Variants in PPP3R1 observed in about 807,000 individuals in gnomAD.
PPP3R1 encodes protein phosphatase 3 regulatory subunit B, alpha.
In PPP3R1, 5 loss-of-function variants were observed where a neutral mutation model predicts 22.6. That is an observed-to-expected ratio of 0.22 (90% CI 0.12 to 0.46). PPP3R1 has a LOEUF of 0.46. PPP3R1 is among the 20% of genes least tolerant of loss of function. PPP3R1 has a pLI of 0.99. For synonymous variants in PPP3R1, 56 were observed against 65.2 expected (o/e 0.86, Z 0.68); for missense variants, 61 against 203.2 (o/e 0.30, Z 4.25).
chr2:68,222,783 G>C (rs1015224419), intron 1 of PPP3R1, among the ~76,000 whole-genome samples: 3 of 152,026 alleles, frequency 2.0e-5, no homozygotes, highest in Admixed American at 6.5e-5. Context: ...TCTCCTACTG[G>C]TTATTTCTCT....
rs761276743 is a variant in PPP3R1 at position 68,187,252 on chromosome 2, T to C, written c.280+3A>G. ...AATGAAGTCAGTGAAGAAAAATACTTACACCTCAATTTCTGCTCCTTATCT... is the reference window on the plus strand; with the variant it reads ...AATGAAGTCAGTGAAGAAAAATACTCACACCTCAATTTCTGCTCCTTATCT... On this transcript the variant is annotated splice_donor_region_variant and intron_variant, in intron 4 of 5. Transcript: ENST00000234310. 1 of 1,603,882 alleles carries C rather than the reference T, an allele frequency of 6.2e-7. No individual in the cohort carries two copies. Among genetic ancestry groups the C allele is most frequent in the South Asian group, 1.1e-5 (1 of 89,772 alleles).
chr2:68,198,293 A>G (rs973534191), intron 2 of PPP3R1, among the ~76,000 whole-genome samples: 7 of 136,124 alleles, frequency 5.1e-5, no homozygotes, highest in South Asian at 2.1e-4. Context: ...ATGTGTATAC[A>G]CATGTATACA....
At chr2:68,217,248 G>A in intron 1 of PPP3R1, 117 bp from the exon 2 acceptor site, 1 of 592,414 alleles carries the variant, frequency 1.7e-6, no homozygotes, top group East Asian at 2.9e-5. Flanking sequence ...CTAATAATAT[G>A]ACCACATATA....
intron 1 of PPP3R1, among the ~76,000 whole-genome samples, chr2:68,237,016 G>A (rs1300557566): frequency 1.3e-5 from 2 of 152,154 alleles, no homozygotes; most frequent in Non-Finnish European, 2.9e-5. Context: ...TGATGAAACT[G>A]AACTGCTGAA....
chr2:68,217,033 C>CAT, intron 2 of PPP3R1, 59 bp downstream of exon 2: 2 of 1,245,280 alleles, frequency 1.6e-6, no homozygotes, highest in Non-Finnish European at 2.2e-6. Flanking sequence ...CACACACACA[C>CAT]ACACACAGAG....
At chr2:68,211,755 T>C (rs1176839341) in intron 2 of PPP3R1, among the ~76,000 whole-genome samples, 3 of 152,356 alleles carry the variant, frequency 2.0e-5, no homozygotes, top group Middle Eastern at 3.4e-3. Flanking sequence ...ATTTCAGTAA[T>C]GTTCACAGCA....
intron 2 of PPP3R1, among the ~76,000 whole-genome samples, chr2:68,198,170 C>A (rs1031512681): frequency 5.3e-5 from 7 of 132,090 alleles, no homozygotes; most frequent in South Asian, 2.4e-4. Context: ...TAAATATATA[C>A]ATACATGTAT....
Position 68,231,949 on chromosome 2 carries a change from T to C in PPP3R1, c.4-14818A>G, listed in dbSNP as rs149949556. On this transcript the variant is annotated intron_variant, in intron 1 of 5. Coordinates refer to ENST00000234310, the MANE Select transcript of PPP3R1 (RefSeq NM_000945.4). ...AAGTATCCATGAACCACTCTGAAAA[T>C]TGCCAATCTAATCTTAAGATCTTAT... 2.9e-3 allele frequency among the ~76,000 whole-genome samples: 434 copies of C among 151,602 alleles called. 2 individuals carry two copies. Among genetic ancestry groups the C allele is most frequent in the African/African-American group, 6.2e-3 (257 of 41,378 alleles).
At chr2:68,220,842 G>T (rs1280470413) in intron 1 of PPP3R1, among the ~76,000 whole-genome samples, 1 of 152,128 alleles carries the variant, frequency 6.6e-6, no homozygotes, top group Non-Finnish European at 1.5e-5. Flanking sequence ...ACTGGTGGGT[G>T]CCAGTTACAC....
At chr2:68,214,659 G>A (rs944385374) in intron 2 of PPP3R1, among the ~76,000 whole-genome samples, 1 of 152,096 alleles carries the variant, frequency 6.6e-6, no homozygotes, top group African/African-American at 2.4e-5. Context: ...CAGAGAAAAG[G>A]GAACGCTTAT....
At chr2:68,244,957 C>T (rs1331167796) in intron 1 of PPP3R1, among the ~76,000 whole-genome samples, 1 of 152,220 alleles carries the variant, frequency 6.6e-6, no homozygotes, top group African/African-American at 2.4e-5. Context: ...TGTTTGTCAC[C>T]TAGGACATGA....
In PPP3R1 at chr2:68,249,422, G is replaced by A. The variant is rs140598725; in HGVS notation, c.3+2703C>T. Among the ~76,000 whole-genome samples the A allele has an allele frequency of 1.8e-3, 271 of 151,008 alleles. 7 individuals carry two copies. The East Asian group carries it at 0.049, about 27-fold the overall frequency. On this transcript the variant is annotated intron_variant, in intron 1 of 5. Coordinates refer to ENST00000234310, the MANE Select transcript of PPP3R1 (RefSeq NM_000945.4). ...TTAAGTTCTAGATGCAGATCATGGAGATAAAAAAAAATTTAAAAGTTTAAA... is the reference window on the plus strand; with the variant it reads ...TTAAGTTCTAGATGCAGATCATGGAAATAAAAAAAAATTTAAAAGTTTAAA...
At chr2:68,251,354 G>A (rs943360990) in intron 1 of PPP3R1, among the ~76,000 whole-genome samples, 1 of 152,194 alleles carries the variant, frequency 6.6e-6, no homozygotes, top group Non-Finnish European at 1.5e-5. Context: ...CCAAGAGAGA[G>A]ACACAAGAAG....
chr2:68,252,398 G>A lies in PPP3R1; in HGVS notation c.-271C>T. ...GGAGGAGCAGCGGCGAGAGGCAGGA[G>A]AGGCAGAGAAGAAGAAAGGAGGGGG... On this transcript the variant is annotated 5_prime_UTR_variant, in exon 1 of 6. Coordinates refer to ENST00000234310, the MANE Select transcript of PPP3R1 (RefSeq NM_000945.4). 2.0e-6 allele frequency: 2 copies of A among 1,001,380 alleles called. No homozygotes were observed. Among genetic ancestry groups the A allele is most frequent in the African/African-American group, 1.7e-5 (1 of 57,598 alleles). The allele number at this position is 1,001,380 out of a possible 1,614,324, so 62.0% of individuals were successfully genotyped here.
In PPP3R1 at chr2:68,179,894, T is replaced by G. The variant is rs535003691; in HGVS notation, c.*1069A>C. The G allele has an allele frequency of 6.6e-6, 1 of 152,218 alleles. No individual in the cohort carries two copies. The highest frequency in any genetic ancestry group is 1.5e-5 in the Non-Finnish European group (1 of 68,026). The allele number at this position is 152,218 out of a possible 1,614,324, so 9.4% of individuals were successfully genotyped here. A position where few individuals can be genotyped will look rare whatever the true frequency, so the allele number is the denominator to read the frequency against. On this transcript the variant is annotated 3_prime_UTR_variant, in exon 6 of 6. Coordinates refer to ENST00000234310, the MANE Select transcript of PPP3R1 (RefSeq NM_000945.4). The stretch of plus-strand genomic sequence containing the variant: ...ATATGTGGGTGTTTAGATACATACA[T>G]GCATATTAAATATCACCAGTTTTTT...
chr2:68,226,771 C>T (rs985845972), intron 1 of PPP3R1, among the ~76,000 whole-genome samples: 5 of 152,056 alleles, frequency 3.3e-5, no homozygotes, highest in African/African-American at 1.2e-4. Flanking sequence ...AAGTCTGGAA[C>T]GGTTTAAGTC....
chr2:68,251,922 G>A (rs1336545863), intron 1 of PPP3R1, among the ~76,000 whole-genome samples: 1 of 146,638 alleles, frequency 6.8e-6, no homozygotes, highest in East Asian at 2.0e-4. Context: ...GGGCGGGCGC[G>A]GGGGCCCCGC....
intron 1 of PPP3R1, among the ~76,000 whole-genome samples, chr2:68,222,766 A>T (rs1484506853): frequency 6.6e-6 from 1 of 152,226 alleles, no homozygotes. Flanking sequence ...CTTTCTAGAC[A>T]TATGTATCTC....
intron 2 of PPP3R1, among the ~76,000 whole-genome samples, chr2:68,194,760 T>C (rs1674734470): frequency 6.6e-6 from 1 of 152,034 alleles, no homozygotes; most frequent in Admixed American, 6.6e-5. Context: ...GAAAATGAAA[T>C]AAACAGAATG....
Sources: gnomAD v4.1 joint callset for allele counts (sites outside exome capture counted in the v4.1 genomes callset) on GRCh38, gnomAD v4.1.1 for gene constraint, MANE v1.5 for transcripts, NCBI Gene and HGNC (gene_info 2026-07-23, HGNC 2026-07-21) for gene names.